Variants in ZNF892 observed in about 807,000 individuals in gnomAD.
ZNF892 encodes the protein zinc finger protein 570-like.
At chr2:95,215,133 G>A in the ZNF892 span, 1 of 477,664 alleles carries the variant, frequency 2.1e-6, no homozygotes, top group South Asian at 5.7e-5. Flanking sequence ...TAACGAATGT[G>A]GCAAAGCCTT....
the ZNF892 span, among the ~76,000 whole-genome samples, chr2:95,251,870 T>C: frequency 1.3e-5 from 2 of 152,212 alleles, no homozygotes; most frequent in Non-Finnish European, 2.9e-5. Flanking sequence ...GAAGACTCTT[T>C]AGGGAGGCTG....
the ZNF892 span, among the ~76,000 whole-genome samples, chr2:95,206,380 C>T: frequency 6.6e-6 from 1 of 152,080 alleles, no homozygotes; most frequent in African/African-American, 2.4e-5. Context: ...TTTATTAAGC[C>T]GGCGGCCAAA....
chr2:95,233,891 G>C, the ZNF892 span, among the ~76,000 whole-genome samples: 2 of 151,698 alleles, frequency 1.3e-5, no homozygotes, highest in Admixed American at 6.6e-5. Flanking sequence ...TGTTGGGCAG[G>C]CTAGTCTGGA....
chr2:95,221,189 A>C, the ZNF892 span, among the ~76,000 whole-genome samples: 1 of 152,220 alleles, frequency 6.6e-6, no homozygotes. Context: ...ATCAGGTGCT[A>C]CGTAACTATT....
chr2:95,257,515 T>A, the ZNF892 span, among the ~76,000 whole-genome samples: 1 of 152,038 alleles, frequency 6.6e-6, no homozygotes, highest in Non-Finnish European at 1.5e-5. Context: ...TACTCGGGGG[T>A]CACGGACCCA....
chr2:95,258,521 G>T, the ZNF892 span, among the ~76,000 whole-genome samples: 1 of 152,170 alleles, frequency 6.6e-6, no homozygotes, highest in African/African-American at 2.4e-5. Flanking sequence ...AACAGATGTG[G>T]GTTACAGATT....
the ZNF892 span, among the ~76,000 whole-genome samples, chr2:95,243,589 A>G: frequency 6.9e-6 from 1 of 144,110 alleles, no homozygotes; most frequent in South Asian, 2.2e-4. Context: ...GCCCCGTCTG[A>G]GAAGTGAGGA....
the ZNF892 span, among the ~76,000 whole-genome samples, chr2:95,262,087 T>C: frequency 6.6e-6 from 1 of 152,254 alleles, no homozygotes. Context: ...CTTATGGATA[T>C]GTATTTTTAT....
the ZNF892 span, among the ~76,000 whole-genome samples, chr2:95,253,230 G>T: frequency 6.6e-6 from 1 of 152,100 alleles, no homozygotes; most frequent in African/African-American, 2.4e-5. Context: ...CTAACATTTA[G>T]TCTTTAATCC....
At chr2:95,221,363 A>G in the ZNF892 span, among the ~76,000 whole-genome samples, 1 of 152,176 alleles carries the variant, frequency 6.6e-6, no homozygotes. Context: ...AGATAATCAT[A>G]TGGTTCCTTT....
chr2:95,252,282 G>A, the ZNF892 span, among the ~76,000 whole-genome samples: 5 of 126,828 alleles, frequency 3.9e-5, no homozygotes, highest in Non-Finnish European at 6.2e-5. Flanking sequence ...TCCCTTTCCC[G>A]TGTCCATGTG....
chr2:95,243,132 G>A, the ZNF892 span, among the ~76,000 whole-genome samples: 4 of 152,156 alleles, frequency 2.6e-5, no homozygotes, highest in South Asian at 2.1e-4. Context: ...GATTGCAGAC[G>A]GAGTCTCGTT....
At chr2:95,239,144 G>GAAAAA in the ZNF892 span, among the ~76,000 whole-genome samples, 1 of 126,070 alleles carries the variant, frequency 7.9e-6, no homozygotes, top group Non-Finnish European at 1.6e-5. Context: ...CGTCTCAAAG[G>GAAAAA]AAAAAAAAAA....
the ZNF892 span, among the ~76,000 whole-genome samples, chr2:95,210,795 A>G: frequency 2.6e-5 from 4 of 152,268 alleles, no homozygotes; most frequent in South Asian, 8.3e-4. Flanking sequence ...GATCCCCTCT[A>G]TGTGTGCAAC....
At chr2:95,245,273 C>G in the ZNF892 span, among the ~76,000 whole-genome samples, 1 of 103,062 alleles carries the variant, frequency 9.7e-6, no homozygotes, top group East Asian at 3.1e-4. Flanking sequence ...TTTTTTGAGA[C>G]AGAGTCTCAC....
At chr2:95,256,947 C>G in the ZNF892 span, among the ~76,000 whole-genome samples, 1 of 152,312 alleles carries the variant, frequency 6.6e-6, no homozygotes, top group East Asian at 1.9e-4. Flanking sequence ...GACTTCTCTG[C>G]ATTGGTTATT....
At chr2:95,255,268 G>T in the ZNF892 span, among the ~76,000 whole-genome samples, 1 of 151,944 alleles carries the variant, frequency 6.6e-6, no homozygotes, top group Non-Finnish European at 1.5e-5. Flanking sequence ...CATAGATTCT[G>T]GTATGTTGTG....
chr2:95,223,019 T>C, the ZNF892 span, among the ~76,000 whole-genome samples: 1 of 152,250 alleles, frequency 6.6e-6, no homozygotes, highest in Non-Finnish European at 1.5e-5. Flanking sequence ...TTGAATTGCC[T>C]TTGCCCTTTT....
chr2:95,258,723 T>C, the ZNF892 span, among the ~76,000 whole-genome samples: 1 of 152,162 alleles, frequency 6.6e-6, no homozygotes, highest in East Asian at 1.9e-4. Flanking sequence ...AATTCCTACC[T>C]CTCCCAGGGC....
Sources: gnomAD v4.1 joint callset for allele counts (sites outside exome capture counted in the v4.1 genomes callset) on GRCh38, gnomAD v4.1.1 for gene constraint, MANE v1.5 for transcripts, NCBI Gene and HGNC (gene_info 2026-07-23, HGNC 2026-07-21) for gene names.